Variants in POLR3B observed in about 807,000 individuals in gnomAD.
POLR3B encodes the protein DNA-directed RNA polymerase III subunit RPC2.
In POLR3B, 96 loss-of-function variants were observed where a neutral mutation model predicts 147.4. The observed-to-expected ratio is 0.65, with a 90% CI of 0.55 to 0.77. POLR3B has a LOEUF of 0.77. Among genes scored for constraint, POLR3B ranks in the 30% least tolerant of loss-of-function variants. The probability of loss-of-function intolerance (pLI) is 0.00; values close to 1 mark genes in which losing one functional copy is unlikely to be tolerated. For missense variants in POLR3B, 1,036 were observed against 1,413.5 expected (o/e 0.73, Z 4.28); for synonymous variants, 461 against 485.9 (o/e 0.95, Z 0.67).
At position 106,454,696 on chromosome 12, in the gene POLR3B, G is replaced by C. The variant is rs146513209; in HGVS notation, c.2278G>C (p.Ala760Pro). The change falls in exon 20 of 28, where the codon GCC becomes CCC. Residue 760 changes from alanine (A) to proline (P), a missense_variant. Coordinates refer to ENST00000228347, the MANE Select transcript of POLR3B (RefSeq NM_018082.6). ...DIEDALVLNK[A>P]SLDRGFGRCL... is the part of the protein sequence containing the mutation. The stretch of plus-strand genomic sequence containing the variant: ...TGAAGATGCTCTTGTTTTAAACAAG[G>C]CCTCTTTAGACAGAGGTAAGTGAAT... 1 of 1,596,412 alleles carries C rather than the reference G, an allele frequency of 6.3e-7. No individual in the cohort carries two copies. Among genetic ancestry groups the C allele is most frequent in the Non-Finnish European group, 8.6e-7 (1 of 1,164,038 alleles).
intron 23 of POLR3B, among the ~76,000 whole-genome samples, chr12:106,484,169 G>T (rs1330677614): frequency 6.6e-6 from 1 of 152,172 alleles, no homozygotes; most frequent in Non-Finnish European, 1.5e-5. Context: ...GGGGGCAGCA[G>T]AGAAGAGCAA....
At position 106,371,731 on chromosome 12, in the gene POLR3B, T is replaced by C. The variant is rs181490256; in HGVS notation, c.404+2048T>C. 1.0e-3 allele frequency among the ~76,000 whole-genome samples: 151 copies of C among 145,054 alleles called. 4 individuals carry two copies. The East Asian group carries it at 0.019, about 18-fold the overall frequency. On this transcript the variant is annotated intron_variant, in intron 6 of 27. Coordinates refer to ENST00000228347, the MANE Select transcript of POLR3B (RefSeq NM_018082.6). Reference sequence around the variant, plus strand: ...GTATATTCTCACTCATAGGTGGGAATTGAACAATGAGAACACATGGACACA... The same window carrying C: ...GTATATTCTCACTCATAGGTGGGAACTGAACAATGAGAACACATGGACACA...
chr12:106,503,634 G>A (rs546309179), intron 26 of POLR3B, among the ~76,000 whole-genome samples: 76 of 152,310 alleles, frequency 5.0e-4, no homozygotes, highest in Non-Finnish European at 8.5e-4. Flanking sequence ...GAGGATCCAG[G>A]TTTCCCCCAC....
intron 9 of POLR3B, among the ~76,000 whole-genome samples, 172 bp downstream of exon 9, chr12:106,380,311 T>A (rs576707105): frequency 3.0e-4 from 45 of 151,296 alleles, no homozygotes; most frequent in Non-Finnish European, 4.4e-5. Context: ...TGGTGGGTCA[T>A]GCCTGAAATC....
intron 23 of POLR3B, among the ~76,000 whole-genome samples, chr12:106,487,186 G>T (rs1284857389): frequency 6.6e-6 from 1 of 152,200 alleles, no homozygotes; most frequent in Non-Finnish European, 1.5e-5. Context: ...TAGTTGTCAT[G>T]AAATGAGCTG....
At chr12:106,449,308 CG>C (rs1213360307) in intron 19 of POLR3B, among the ~76,000 whole-genome samples, 47 of 152,226 alleles carry the variant, frequency 3.1e-4, no homozygotes, top group African/African-American at 1.1e-3. Flanking sequence ...GGCATGTTGG[CG>C]CTCAAAAAGT....
At chr12:106,436,910 C>A in intron 16 of POLR3B, 147 bp from the exon 17 acceptor site, 2 of 701,700 alleles carry the variant, frequency 2.9e-6, no homozygotes, top group Non-Finnish European at 2.6e-6. Context: ...CATGCTCATC[C>A]ATACAAAAAT....
At chr12:106,391,792 C>T (rs1350475492) in intron 9 of POLR3B, among the ~76,000 whole-genome samples, 3 of 152,192 alleles carry the variant, frequency 2.0e-5, no homozygotes, top group Non-Finnish European at 4.4e-5. Context: ...GGATAATGTC[C>T]TTGATTTTCT....
At chr12:106,436,217 C>G (rs187319979) in intron 16 of POLR3B, among the ~76,000 whole-genome samples, 1 of 152,164 alleles carries the variant, frequency 6.6e-6, no homozygotes, top group Non-Finnish European at 1.5e-5. Flanking sequence ...TAGGGTAGAG[C>G]GCACAAGTGT....
At chr12:106,413,609 A>G (rs949395382) in intron 12 of POLR3B, among the ~76,000 whole-genome samples, 3 of 151,566 alleles carry the variant, frequency 2.0e-5, no homozygotes, top group African/African-American at 7.3e-5. Context: ...GGCTTTTGTT[A>G]TTCTGCAGTT....
intron 9 of POLR3B, among the ~76,000 whole-genome samples, chr12:106,381,766 T>C (rs1294932670): frequency 2.0e-5 from 3 of 152,216 alleles, no homozygotes; most frequent in African/African-American, 7.2e-5. Flanking sequence ...AAAGCAAGTT[T>C]ATAAGAAAGT....
At chr12:106,422,734 T>C (rs1469292431) in intron 12 of POLR3B, among the ~76,000 whole-genome samples, 1 of 152,218 alleles carries the variant, frequency 6.6e-6, no homozygotes, top group Non-Finnish European at 1.5e-5. Flanking sequence ...GGTCAGCTTG[T>C]CTATGTATTC....
chr12:106,479,556 ATT>A (rs923544501), intron 23 of POLR3B, among the ~76,000 whole-genome samples: 1 of 149,274 alleles, frequency 6.7e-6, no homozygotes, highest in African/African-American at 2.5e-5. Flanking sequence ...AATTTTTTGT[ATT>A]TTTTTTAGTA....
intron 9 of POLR3B, among the ~76,000 whole-genome samples, chr12:106,389,871 C>T (rs2036890807): frequency 6.6e-6 from 1 of 152,146 alleles, no homozygotes; most frequent in African/African-American, 2.4e-5. Flanking sequence ...ATGGCCTCTG[C>T]ACCCCGGTCT....
rs1010964777 is a variant in POLR3B, at chr12:106,472,807, G to T, written c.2713+9187G>T. Among the ~76,000 whole-genome samples the T allele has an allele frequency of 1.1e-3, 123 of 110,890 alleles. 15 individuals carry two copies. The highest frequency in any genetic ancestry group is 6.2e-3 in the African/African-American group (118 of 18,936). 72.7% of individuals were successfully genotyped at this position (110,890 alleles called of 152,430 possible). ...GGTTGCGAAAATTTTCTCCCATGTT[G>T]TAGGTTGCCTGTTCACTCTGACGGT... is the stretch of plus-strand genomic sequence containing the variant. On this transcript the variant is annotated intron_variant, in intron 23 of 27. Coordinates refer to ENST00000228347, the MANE Select transcript of POLR3B (RefSeq NM_018082.6).
intron 9 of POLR3B, among the ~76,000 whole-genome samples, chr12:106,390,650 A>T (rs2036901746): frequency 6.6e-6 from 1 of 152,056 alleles, no homozygotes; most frequent in African/African-American, 2.4e-5. Flanking sequence ...GAGGTTAAAA[A>T]AAAAGACTGC....
At chr12:106,441,364 C>A (rs1238286451) in intron 18 of POLR3B, among the ~76,000 whole-genome samples, 2 of 152,128 alleles carry the variant, frequency 1.3e-5, no homozygotes, top group African/African-American at 2.4e-5. Context: ...GTCTGTCACC[C>A]ACTGTCACCT....
At chr12:106,404,288 T>C (rs2037119345) in intron 10 of POLR3B, among the ~76,000 whole-genome samples, 2 of 152,128 alleles carry the variant, frequency 1.3e-5, no homozygotes, top group South Asian at 4.1e-4. Flanking sequence ...AGACGGAGTT[T>C]CGCCATGTTG....
intron 8 of POLR3B, among the ~76,000 whole-genome samples, chr12:106,379,457 A>G (rs1346891399): frequency 6.6e-6 from 1 of 152,252 alleles, no homozygotes; most frequent in African/African-American, 2.4e-5. Context: ...AACATGGGTA[A>G]CAATGCGTAG....
Sources: allele counts gnomAD v4.1 joint callset (sites outside exome capture counted in the v4.1 genomes callset), GRCh38; gene constraint gnomAD v4.1.1; transcripts MANE v1.5; gene names NCBI Gene and HGNC (gene_info 2026-07-23, HGNC 2026-07-21).